Variants in PLA2R1 observed in about 807,000 individuals in gnomAD.
PLA2R1 encodes the protein secretory phospholipase A2 receptor.
PLA2R1 carries 158 observed loss-of-function variants against 195.9 expected under a neutral mutation model. That is an observed-to-expected ratio of 0.81 (90% CI 0.71 to 0.92). The LOEUF is 0.92. Ranked by LOEUF, PLA2R1 falls within the 40% of genes least tolerant of loss-of-function variation. The pLI is 0.00. For synonymous variants in PLA2R1, 586 were observed against 598.2 expected, an observed-to-expected ratio of 0.98 and a Z score of 0.30; for missense variants, 1,626 against 1,764.6, an observed-to-expected ratio of 0.92 and a Z score of 1.41.
intron 1 of PLA2R1, among the ~76,000 whole-genome samples, chr2:160,059,870 A>C (rs964026692): frequency 3.3e-5 from 5 of 152,284 alleles, no homozygotes; most frequent in Admixed American, 3.3e-4. Context: ...TATCACGAGA[A>C]TAGCATGGGA....
In PLA2R1 at chr2:159,951,548, T is replaced by A. The variant is rs1347218012; in HGVS notation, c.3332A>T (p.Asp1111Val). Residue 1111 changes from aspartate (D) to valine (V), a missense_variant, in exon 24 of 30, where the codon GAT becomes GTT. Physicochemically the swap from Asp to Val is radical, Grantham distance 152. Coordinates refer to ENST00000283243, the MANE Select transcript of PLA2R1 (RefSeq NM_007366.5). The stretch of plus-strand genomic sequence containing the variant: ...TAAGGTATTGGGCATTGGATACATA[T>A]CAGATGTATTTACACCGTGTCCAGA... The part of the protein sequence containing the change: ...DTSGHGVNTS[D>V]MYPMPNTLEY... The A allele has an allele frequency of 1.3e-6, 2 of 1,585,772 alleles. No homozygotes were observed. Among genetic ancestry groups the A allele is most frequent in the Non-Finnish European group, 1.7e-6 (2 of 1,153,404 alleles).
chr2:159,981,475 G>A (rs1689952424), intron 13 of PLA2R1, among the ~76,000 whole-genome samples: 1 of 151,916 alleles, frequency 6.6e-6, no homozygotes, highest in Admixed American at 6.6e-5. Context: ...ACACAATCTT[G>A]GCTCACTGCA....
At chr2:160,060,760 A>G (rs540523650) in intron 1 of PLA2R1, among the ~76,000 whole-genome samples, 1 of 152,162 alleles carries the variant, frequency 6.6e-6, no homozygotes, top group South Asian at 2.1e-4. Flanking sequence ...ACCAGCACAT[A>G]CTCTCTGTGT....
chr2:159,971,410 A>G (rs1689167301), intron 17 of PLA2R1, among the ~76,000 whole-genome samples: 1 of 152,152 alleles, frequency 6.6e-6, no homozygotes, highest in South Asian at 2.1e-4. Context: ...AATCACTTGG[A>G]CCTAAGTACA....
chr2:159,949,622 C>T lies in PLA2R1; in HGVS notation c.3695G>A (p.Cys1232Tyr). The change falls in exon 25 of 30, where the codon TGT becomes TAT. Residue 1232 changes from cysteine to tyrosine, a missense_variant. Cys to Tyr is a radical substitution (Grantham distance 194). Transcript: ENST00000283243. ...ATTGAACCTACCAGGTGGCACATGA[C>T]AAATGGCACCTTGCAGAAATGACTC... The part of the protein sequence containing the change: ...ACESFLQGAI[C>Y]HVPPETRQSE... 1 of 1,613,790 alleles carries T rather than the reference C, an allele frequency of 6.2e-7. No individual in the cohort carries two copies. The highest frequency in any genetic ancestry group is 2.2e-5 in the East Asian group (1 of 44,874).
chr2:160,037,450 A>C (rs1694233207), intron 3 of PLA2R1, among the ~76,000 whole-genome samples: 1 of 151,970 alleles, frequency 6.6e-6, no homozygotes, highest in South Asian at 2.1e-4. Context: ...TCCCCCCTCA[A>C]AACCTTCAGA....
intron 24 of PLA2R1, among the ~76,000 whole-genome samples, chr2:159,950,440 A>T (rs376434910): frequency 6.6e-6 from 1 of 152,224 alleles, no homozygotes; most frequent in South Asian, 2.1e-4. Flanking sequence ...ACTTCTAAAA[A>T]ATTATCCTAC....
rs1485678254 is a variant in PLA2R1 at position 159,938,298 on chromosome 2, T to C, written c.*3480A>G. On this transcript the variant is annotated 3_prime_UTR_variant, in exon 30 of 30. Coordinates refer to ENST00000283243, the MANE Select transcript of PLA2R1 (RefSeq NM_007366.5). ...GAGGGCTGGCTATATAGGAGAAGCATGGACCCATGAATGACTGAACAGAGC... is the reference window on the plus strand; with the variant it reads ...GAGGGCTGGCTATATAGGAGAAGCACGGACCCATGAATGACTGAACAGAGC... 1 of 152,250 alleles carries C rather than the reference T, an allele frequency of 6.6e-6. No homozygotes were observed. Among genetic ancestry groups the C allele is most frequent in the Non-Finnish European group, 1.5e-5 (1 of 68,074 alleles). 9.4% of individuals were successfully genotyped at this position (152,250 alleles called of 1,614,324 possible). A position where few individuals can be genotyped will look rare whatever the true frequency, so the allele number is the denominator to read the frequency against.
In PLA2R1 at chr2:159,933,846, G is replaced by T. The variant is rs1023310652; in HGVS notation, c.*7932C>A. 6.6e-6 allele frequency: 1 copy of T among 152,118 alleles called. No individual in the cohort carries two copies. Among genetic ancestry groups the T allele is most frequent in the Non-Finnish European group, 1.5e-5 (1 of 68,024 alleles). The allele number at this position is 152,118 out of a possible 1,614,324, so 9.4% of individuals were successfully genotyped here. On this transcript the variant is annotated 3_prime_UTR_variant, in exon 30 of 30. Coordinates refer to ENST00000283243, the MANE Select transcript of PLA2R1 (RefSeq NM_007366.5). ...CAGGGGTTGGCAAACTTCCTGTAAG[G>T]GTCCAGAAAGTAAATATTTTAGGCT...
At position 159,932,660 on chromosome 2, in the gene PLA2R1, G is replaced by A. The variant is rs1686636074; in HGVS notation, c.*9118C>T. 1 of 152,038 alleles carries A rather than the reference G, an allele frequency of 6.6e-6. No homozygotes were observed. Among genetic ancestry groups the A allele is most frequent in the African/African-American group, 2.4e-5 (1 of 41,360 alleles). 9.4% of individuals were successfully genotyped at this position (152,038 alleles called of 1,614,324 possible). Reference sequence around the variant, plus strand: ...CCTACCAAGCTCTGTATACTAAGAAGGTAAAAAGTAAAGTTTAAATAATCT... The same window carrying A: ...CCTACCAAGCTCTGTATACTAAGAAAGTAAAAAGTAAAGTTTAAATAATCT... On this transcript the variant is annotated 3_prime_UTR_variant, in exon 30 of 30. Transcript: ENST00000283243.
At chr2:159,993,758 A>G (rs553862055) in intron 11 of PLA2R1, among the ~76,000 whole-genome samples, 1 of 152,244 alleles carries the variant, frequency 6.6e-6, no homozygotes, top group South Asian at 2.1e-4. Context: ...TTTGAGCATT[A>G]AAAAGGATAA....
At chr2:160,012,782 G>A (rs1006633218) in intron 10 of PLA2R1, among the ~76,000 whole-genome samples, 8 of 151,992 alleles carry the variant, frequency 5.3e-5, no homozygotes, top group African/African-American at 1.7e-4. Context: ...CGTGGTGGCA[G>A]GTGCCTGTAA....
intron 3 of PLA2R1, among the ~76,000 whole-genome samples, chr2:160,041,006 A>T (rs1271377197): frequency 2.0e-5 from 3 of 152,224 alleles, no homozygotes; most frequent in Admixed American, 1.3e-4. Context: ...ACTCAGATAG[A>T]TGGAGAGAGC....
At position 159,934,489 on chromosome 2, in the gene PLA2R1, T is replaced by C. The variant is rs1333362670; in HGVS notation, c.*7289A>G. 1 of 152,196 alleles carries C rather than the reference T, an allele frequency of 6.6e-6. No homozygotes were observed. The highest frequency in any genetic ancestry group is 1.5e-5 in the Non-Finnish European group (1 of 68,028). The allele number at this position is 152,196 out of a possible 1,614,324, so 9.4% of individuals were successfully genotyped here. On this transcript the variant is annotated 3_prime_UTR_variant, in exon 30 of 30. Transcript: ENST00000283243. ...ATATAGCAGTGGTCCTCAAACTTTT[T>C]GGCTAGCATACAAAATTGTTAAAAG...
intron 12 of PLA2R1, among the ~76,000 whole-genome samples, chr2:159,986,732 G>A (rs1164425575): frequency 1.3e-5 from 2 of 151,938 alleles, no homozygotes; most frequent in Non-Finnish European, 2.9e-5. Context: ...GACTACAGGT[G>A]CATGCCACCA....
chr2:159,990,347 G>T (rs982961494), intron 11 of PLA2R1, among the ~76,000 whole-genome samples: 1 of 152,070 alleles, frequency 6.6e-6, no homozygotes, highest in Admixed American at 6.6e-5. Flanking sequence ...CTGCAAACAC[G>T]AATGGGGAGA....
chr2:159,931,942 C>CT (rs1686608141), downstream of PLA2R1: 1 of 152,144 alleles, frequency 6.6e-6, no homozygotes, highest in African/African-American at 2.4e-5. Flanking sequence ...CTTTAACTGA[C>CT]TTTTTTGATT....
At chr2:160,037,585 CTG>C (rs981955148) in intron 3 of PLA2R1, among the ~76,000 whole-genome samples, 5 of 152,154 alleles carry the variant, frequency 3.3e-5, no homozygotes, top group South Asian at 2.1e-4. Context: ...CAAAAGCATG[CTG>C]TCTTTTACTT....
intron 1 of PLA2R1, among the ~76,000 whole-genome samples, chr2:160,062,049 C>T (rs1191850516): frequency 6.6e-6 from 1 of 152,056 alleles, no homozygotes; most frequent in Admixed American, 6.5e-5. Flanking sequence ...CCGCCCCCGC[C>T]GCCCGACCCC....
Sources: gnomAD v4.1 joint callset for allele counts (sites outside exome capture counted in the v4.1 genomes callset) on GRCh38, gnomAD v4.1.1 for gene constraint, MANE v1.5 for transcripts, NCBI Gene and HGNC (gene_info 2026-07-23, HGNC 2026-07-21) for gene names.